CTBP2: variants seen among roughly 807,000 people sequenced by gnomAD.
CTBP2 encodes the protein C-terminal-binding protein 2.
In CTBP2, 30 loss-of-function variants were observed where a neutral mutation model predicts 80.3. The observed-to-expected ratio is 0.37, with a 90% confidence interval of 0.28 to 0.51. The LOEUF is 0.51. Ranked by LOEUF, CTBP2 falls within the 20% of genes least tolerant of loss-of-function variation. CTBP2 has a pLI of 0.93. For synonymous variants in CTBP2, 594 were observed against 587.4 expected, an observed-to-expected ratio of 1.01 and a Z score of -0.16; for missense variants, 1,212 against 1,375.3, an observed-to-expected ratio of 0.88 and a Z score of 1.88.
chr10:125,135,805 T>G (rs1164550492), intron 1 of CTBP2, among the ~76,000 whole-genome samples: 1 of 152,186 alleles, frequency 6.6e-6, no homozygotes, highest in Non-Finnish European at 1.5e-5. Context: ...TGTGCTGCTC[T>G]CCTGCCTGGC....
chr10:125,140,412 A>G (rs1389974638), intron 1 of CTBP2, among the ~76,000 whole-genome samples: 2 of 152,088 alleles, frequency 1.3e-5, no homozygotes, highest in Non-Finnish European at 2.9e-5. Flanking sequence ...GGGGACAAAG[A>G]ATGAGCTCCG....
At chr10:125,019,531 CT>C (rs147986925) in intron 1 of CTBP2, among the ~76,000 whole-genome samples, 122 of 152,212 alleles carry the variant, frequency 8.0e-4, no homozygotes, top group African/African-American at 2.8e-3. Context: ...TGCAAGAAGT[CT>C]GGCGTGAAGC....
Position 125,098,662 on chromosome 10 carries a change from GA to G in CTBP2, c.-102+12327del, listed in dbSNP as rs1564913575. Among the ~76,000 whole-genome samples, 7 of 48,324 alleles carry G rather than the reference GA, an allele frequency of 1.4e-4. No homozygotes were observed. The South Asian group carries it at 3.7e-3, about 26-fold the overall frequency. The allele number at this position is 48,324 out of a possible 152,430, so 31.7% of individuals were successfully genotyped here. A position where few individuals can be genotyped will look rare whatever the true frequency, so the allele number is the denominator to read the frequency against. ...GAGAGAGAAATGGGGGAGGGGGAGAGAGAGAGAGAGAGAGAGAGAGAGAGAG... is the reference window on the plus strand; with the variant it reads ...GAGAGAGAAATGGGGGAGGGGGAGAGGAGAGAGAGAGAGAGAGAGAGAGAG... On this transcript the variant is annotated intron_variant, in intron 2 of 10. Coordinates refer to the CTBP2 transcript ENST00000337195.
intron 5 of CTBP2, 28 bp downstream of exon 7, chr10:124,994,441 G>A: frequency 6.2e-7 from 1 of 1,608,156 alleles, no homozygotes; most frequent in Admixed American, 1.7e-5. Flanking sequence ...TTCGACAGAA[G>A]CTTCCATGGC....
At position 124,994,813 on chromosome 10, in the gene CTBP2, CCCAAAGCTTAGTG is replaced by C; in HGVS notation, c.2186-143_2186-131del. ...TAGCTGCTGCCAGAGAAACCGTGTGCCCAAAGCTTAGTGAGGCCTGAGGCGAGCACTGCCCGCG... is the reference window on the plus strand; with the variant it reads ...TAGCTGCTGCCAGAGAAACCGTGTGCAGGCCTGAGGCGAGCACTGCCCGCG... On this transcript the variant is annotated intron_variant, in intron 4 of 8. Coordinates refer to ENST00000309035, the MANE Select transcript of CTBP2 (RefSeq NM_022802.3). 5 of 954,646 alleles carry C rather than the reference CCCAAAGCTTAGTG, an allele frequency of 5.2e-6. No individual in the cohort carries two copies. The South Asian group carries it at 7.8e-5, about 15-fold the overall frequency. The allele number at this position is 954,646 out of a possible 1,614,324, so 59.1% of individuals were successfully genotyped here.
chr10:125,099,108 T>G (rs2135789273), intron 2 of CTBP2, among the ~76,000 whole-genome samples: 1 of 152,238 alleles, frequency 6.6e-6, no homozygotes, highest in East Asian at 1.9e-4. Context: ...TACGCACAGG[T>G]TTATACCAAC....
chr10:125,073,883 C>T (rs1254998736), intron 2 of CTBP2, among the ~76,000 whole-genome samples: 1 of 152,196 alleles, frequency 6.6e-6, no homozygotes, highest in Non-Finnish European at 1.5e-5. Context: ...TGGAGTCTGT[C>T]TGATGTCATC....
chr10:125,074,588 C>T (rs1178351067), intron 2 of CTBP2, among the ~76,000 whole-genome samples: 1 of 152,158 alleles, frequency 6.6e-6, no homozygotes, highest in Non-Finnish European at 1.5e-5. Context: ...TCAGGTGATC[C>T]GCCCGCCTCG....
At chr10:125,028,726 C>G (rs772704478), upstream of CTBP2, among the ~76,000 whole-genome samples, 3 of 152,200 alleles carry the variant, frequency 2.0e-5, no homozygotes, top group Non-Finnish European at 4.4e-5. Flanking sequence ...GGTGACTAAA[C>G]CTTACACTGC....
upstream of CTBP2, among the ~76,000 whole-genome samples, chr10:125,028,931 C>A (rs1037362960): frequency 6.6e-6 from 1 of 152,122 alleles, no homozygotes; most frequent in Non-Finnish European, 1.5e-5. Flanking sequence ...AAAGGAGTGC[C>A]CCGAAGTATT....
intron 2 of CTBP2, among the ~76,000 whole-genome samples, chr10:125,049,935 A>ACAGCT (rs1351066112): frequency 1.3e-5 from 2 of 152,154 alleles, no homozygotes; most frequent in Non-Finnish European, 2.9e-5. Flanking sequence ...GCCCCAGTGC[A>ACAGCT]CAGCTCAGCT....
intron 2 of CTBP2, among the ~76,000 whole-genome samples, chr10:125,040,907 AAAT>A (rs1308560528): frequency 2.0e-5 from 3 of 152,222 alleles, no homozygotes; most frequent in African/African-American, 7.2e-5. Flanking sequence ...CCAATCACAT[AAAT>A]AATTAATGTA....
exon 3 of CTBP2, chr10:125,039,088 G>C (rs1167849724): frequency 6.2e-7 from 1 of 1,601,736 alleles, no homozygotes; most frequent in Non-Finnish European, 8.5e-7. Flanking sequence ...CAGATCAAAA[G>C]GCAAAGCAGT....
intron 1 of CTBP2, among the ~76,000 whole-genome samples, chr10:125,139,198 CCT>C (rs758550129): frequency 6.6e-6 from 1 of 151,712 alleles, no homozygotes; most frequent in Non-Finnish European, 1.5e-5. Context: ...ATGGTGAAGC[CCT>C]GTCTCTACTA....
chr10:125,004,363 G>C (rs1954956718), intron 1 of CTBP2, among the ~76,000 whole-genome samples: 1 of 152,232 alleles, frequency 6.6e-6, no homozygotes, highest in Non-Finnish European at 1.5e-5. Context: ...TGCAGCGAGA[G>C]CCTCAGGGCC....
intron 1 of CTBP2, among the ~76,000 whole-genome samples, chr10:125,150,876 T>TGAATACGTGGGTCA (rs1451581346): frequency 6.7e-6 from 1 of 149,300 alleles, no homozygotes; most frequent in Non-Finnish European, 1.5e-5. Context: ...CAGGCCCCGT[T>TGAATACGTGGGTCA]GAATACGTGG....
chr10:125,015,009 G>C (rs1315440882), intron 1 of CTBP2, among the ~76,000 whole-genome samples: 1 of 152,232 alleles, frequency 6.6e-6, no homozygotes, highest in African/African-American at 2.4e-5. Context: ...ATACTCTGCG[G>C]TGTGGAGGAT....
intron 1 of CTBP2, among the ~76,000 whole-genome samples, chr10:125,149,973 C>T (rs995324697): frequency 2.0e-5 from 3 of 152,220 alleles, no homozygotes; most frequent in Admixed American, 6.5e-5. Flanking sequence ...TGCAGGGGAG[C>T]GACCCAAAGG....
At chr10:125,161,993 C>A (rs1054296712), upstream of CTBP2, among the ~76,000 whole-genome samples, 6 of 152,212 alleles carry the variant, frequency 3.9e-5, no homozygotes, top group Non-Finnish European at 7.3e-5. Flanking sequence ...CCGCGACGTC[C>A]GAGCGCCGTC....
Sources: allele counts gnomAD v4.1 joint callset (sites outside exome capture counted in the v4.1 genomes callset), GRCh38; gene constraint gnomAD v4.1.1; transcripts MANE v1.5; gene names NCBI Gene and HGNC (gene_info 2026-07-23, HGNC 2026-07-21).